The following CALN1 variants were observed in gnomAD, a reference collection of about 807,000 sequenced individuals.
CALN1 encodes the protein calcium-binding protein 8.
In CALN1, 17 loss-of-function variants were observed where a neutral mutation model predicts 30.6. The observed-to-expected ratio is 0.56, with a 90% CI of 0.38 to 0.83. CALN1 has a LOEUF of 0.83. Among genes scored for constraint, CALN1 ranks in the 40% least tolerant of loss-of-function variants. CALN1 has a pLI of 0.00. For missense variants in CALN1, 291 were observed against 354.9 expected (o/e 0.82, Z 1.45); for synonymous variants, 156 against 131.4 (o/e 1.19, Z -1.28).
intron 3 of CALN1, among the ~76,000 whole-genome samples, chr7:72,194,325 T>C (rs1790833917): frequency 6.6e-6 from 1 of 151,856 alleles, no homozygotes; most frequent in Non-Finnish European, 1.5e-5. Flanking sequence ...AGTTCAGGAG[T>C]TGGGAGGTCA....
At chr7:72,410,609 A>C (rs1372909223) in intron 1 of CALN1, among the ~76,000 whole-genome samples, 1 of 152,242 alleles carries the variant, frequency 6.6e-6, no homozygotes, top group Non-Finnish European at 1.5e-5. Flanking sequence ...CAGGAGCCCT[A>C]ATGTCCCTTC....
intron 3 of CALN1, among the ~76,000 whole-genome samples, chr7:72,214,981 CATG>C (rs1479701493): frequency 6.6e-6 from 1 of 151,762 alleles, no homozygotes; most frequent in Admixed American, 6.6e-5. Context: ...ACTGATTCTA[CATG>C]ATGATGAGTT....
chr7:71,840,565 G>C (rs1455226138), intron 5 of CALN1, among the ~76,000 whole-genome samples: 2 of 151,586 alleles, frequency 1.3e-5, no homozygotes, highest in Non-Finnish European at 2.9e-5. Flanking sequence ...GGCCAAGTGT[G>C]TGGAAGAAAT....
intron 2 of CALN1, among the ~76,000 whole-genome samples, chr7:72,350,104 AG>A (rs1802841741): frequency 6.6e-6 from 1 of 152,116 alleles, no homozygotes; most frequent in Admixed American, 6.6e-5. Flanking sequence ...CAATCCAGCT[AG>A]AATTGATTTT....
intron 3 of CALN1, among the ~76,000 whole-genome samples, chr7:72,113,932 A>T (rs1807754904): frequency 6.6e-6 from 1 of 152,116 alleles, no homozygotes; most frequent in Non-Finnish European, 1.5e-5. Flanking sequence ...AGGCTGTCAC[A>T]GAGTCTAAGG....
chr7:72,501,700 G>A, the CALN1 span, among the ~76,000 whole-genome samples: 7 of 150,852 alleles, frequency 4.6e-5, no homozygotes, highest in Non-Finnish European at 1.0e-4. Flanking sequence ...CATGAAGTCA[G>A]GAGTTAGAGA....
At chr7:72,153,829 C>T (rs373349854) in intron 3 of CALN1, among the ~76,000 whole-genome samples, 2 of 152,210 alleles carry the variant, frequency 1.3e-5, no homozygotes, top group Non-Finnish European at 2.9e-5. Context: ...TGCTTTGAAG[C>T]ACTCTGCCTA....
At chr7:72,191,801 G>C (rs534762345) in intron 3 of CALN1, among the ~76,000 whole-genome samples, 1 of 152,190 alleles carries the variant, frequency 6.6e-6, no homozygotes, top group East Asian at 1.9e-4. Flanking sequence ...TCATTATCTG[G>C]CTTTTCTAGA....
intron 3 of CALN1, among the ~76,000 whole-genome samples, chr7:72,209,207 TC>T (rs1792151373): frequency 1.9e-5 from 2 of 105,160 alleles, no homozygotes; most frequent in African/African-American, 8.1e-5. Context: ...CCTCCTTCCC[TC>T]CTTCCTTCCC....
At chr7:72,349,806 A>C (rs1469653482) in intron 2 of CALN1, among the ~76,000 whole-genome samples, 1 of 152,060 alleles carries the variant, frequency 6.6e-6, no homozygotes, top group Non-Finnish European at 1.5e-5. Flanking sequence ...TTGCTTGTTA[A>C]TTTAAGCACC....
intron 6 of CALN1, among the ~76,000 whole-genome samples, chr7:71,788,563 C>T (rs1033875924): frequency 6.7e-6 from 1 of 148,902 alleles, no homozygotes; most frequent in Non-Finnish European, 1.5e-5. Flanking sequence ...ACTACTGTAG[C>T]TCACTGCAGC....
intron 4 of CALN1, among the ~76,000 whole-genome samples, chr7:72,049,865 A>G (rs908215890): frequency 1.4e-5 from 2 of 146,788 alleles, no homozygotes; most frequent in African/African-American, 5.1e-5. Flanking sequence ...GATAGAGTGC[A>G]GTGGTGCAAT....
chr7:72,332,211 GCTATTCCCTAGGC>G (rs1338736083), intron 2 of CALN1, among the ~76,000 whole-genome samples: 1 of 152,156 alleles, frequency 6.6e-6, no homozygotes, highest in African/African-American at 2.4e-5. Flanking sequence ...GTAGAGCAGG[GCTATTCCCTAGGC>G]AATGTGTGCA....
At chr7:72,376,156 G>A (rs995950422) in intron 2 of CALN1, among the ~76,000 whole-genome samples, 5 of 152,102 alleles carry the variant, frequency 3.3e-5, no homozygotes, top group African/African-American at 7.2e-5. Flanking sequence ...ATGGACATTT[G>A]GGTTGTATTC....
intron 5 of CALN1, among the ~76,000 whole-genome samples, chr7:71,951,214 G>C (rs557053186): frequency 1.3e-5 from 2 of 152,258 alleles, no homozygotes; most frequent in African/African-American, 4.8e-5. Context: ...TATGGCATAA[G>C]GGACTTTGAT....
intron 4 of CALN1, among the ~76,000 whole-genome samples, chr7:72,099,246 G>C (rs1037124042): frequency 4.7e-5 from 7 of 147,992 alleles, no homozygotes; most frequent in Non-Finnish European, 1.0e-4. Flanking sequence ...CTACAGCGAA[G>C]AATCCTAAGC....
chr7:72,348,499 C>T (rs1320888064), intron 2 of CALN1, among the ~76,000 whole-genome samples: 1 of 152,166 alleles, frequency 6.6e-6, no homozygotes, highest in Admixed American at 6.5e-5. Context: ...TTTTTTATAA[C>T]GATTTAAGTT....
chr7:71,810,641 C>T (rs1382647797), intron 5 of CALN1, 149 bp from the exon 6 acceptor site: 10 of 668,424 alleles, frequency 1.5e-5, no homozygotes, highest in Non-Finnish European at 2.5e-5. Flanking sequence ...TCCTGTTCAG[C>T]TCCAAGTATA....
At chr7:72,060,446 T>C (rs1803567407) in intron 4 of CALN1, among the ~76,000 whole-genome samples, 2 of 152,274 alleles carry the variant, frequency 1.3e-5, no homozygotes, top group Non-Finnish European at 2.9e-5. Flanking sequence ...CAAGGAGGTC[T>C]TGGAGAGTGA....
Sources: gnomAD v4.1 joint callset for allele counts (sites outside exome capture counted in the v4.1 genomes callset) on GRCh38, gnomAD v4.1.1 for gene constraint, MANE v1.5 for transcripts, NCBI Gene and HGNC (gene_info 2026-07-23, HGNC 2026-07-21) for gene names.